Variants in SLCO3A1 observed in about 807,000 individuals in gnomAD.
SLCO3A1 encodes the protein PGE1 transporter.
Under a neutral mutation model 63.1 loss-of-function variants are expected in SLCO3A1, and 27 were observed. The observed-to-expected ratio is 0.43, with a 90% CI of 0.32 to 0.59. SLCO3A1 has a LOEUF of 0.59. Among genes scored for constraint, SLCO3A1 ranks in the 20% least tolerant of loss-of-function variants. The probability of loss-of-function intolerance (pLI) is 0.09; values close to 1 mark genes in which losing one functional copy is unlikely to be tolerated. For missense variants in SLCO3A1, 773 were observed against 945.8 expected (o/e 0.82, Z 2.40); for synonymous variants, 473 against 409.9 (o/e 1.15, Z -1.86).
intron 2 of SLCO3A1, among the ~76,000 whole-genome samples, chr15:92,044,060 C>T (rs919414584): frequency 5.9e-5 from 9 of 152,312 alleles, no homozygotes; most frequent in African/African-American, 2.2e-4. Flanking sequence ...CCTACTCTTG[C>T]CGTAACTGTA....
At chr15:91,981,009 C>T (rs1488675943) in intron 2 of SLCO3A1, among the ~76,000 whole-genome samples, 2 of 152,196 alleles carry the variant, frequency 1.3e-5, no homozygotes, top group Non-Finnish European at 2.9e-5. Flanking sequence ...CAAACACTGG[C>T]TTGGGAGAGC....
chr15:91,937,928 A>G (rs1317665949), intron 2 of SLCO3A1, among the ~76,000 whole-genome samples: 1 of 152,164 alleles, frequency 6.6e-6, no homozygotes, highest in East Asian at 1.9e-4. Flanking sequence ...TGGAGGCGGT[A>G]TCTACCTTAT....
intron 9 of SLCO3A1, among the ~76,000 whole-genome samples, chr15:92,153,953 T>C (rs1286296936): frequency 6.6e-6 from 1 of 152,160 alleles, no homozygotes; most frequent in Non-Finnish European, 1.5e-5. Context: ...TTGACCTTTA[T>C]CTTGGGAGGG....
intron 2 of SLCO3A1, among the ~76,000 whole-genome samples, chr15:92,001,958 C>T (rs572860219): frequency 2.5e-4 from 38 of 150,300 alleles, no homozygotes; most frequent in Admixed American, 2.2e-3. Context: ...TAGAGAGATA[C>T]CTGCTCAATG....
intron 2 of SLCO3A1, among the ~76,000 whole-genome samples, chr15:92,016,974 A>G (rs963974632): frequency 2.6e-5 from 4 of 151,880 alleles, no homozygotes; most frequent in Non-Finnish European, 4.4e-5. Flanking sequence ...AAGGGAGACC[A>G]CTTCCTTCAA....
chr15:91,871,390 C>A (rs1897275276), intron 1 of SLCO3A1, among the ~76,000 whole-genome samples: 1 of 152,164 alleles, frequency 6.6e-6, no homozygotes, highest in South Asian at 2.1e-4. Context: ...ACACTGCACA[C>A]CCTCTGGCAG....
chr15:91,965,085 C>T (rs1247349520), intron 2 of SLCO3A1, among the ~76,000 whole-genome samples: 1 of 151,978 alleles, frequency 6.6e-6, no homozygotes, highest in African/African-American at 2.4e-5. Context: ...GGAGAGGGGG[C>T]TGTGGGGATA....
At chr15:92,110,732 G>GT (rs1315182041) in intron 4 of SLCO3A1, among the ~76,000 whole-genome samples, 1 of 152,212 alleles carries the variant, frequency 6.6e-6, no homozygotes, top group African/African-American at 2.4e-5. Flanking sequence ...GACTGCAGTT[G>GT]TTTTTTCTCA....
chr15:92,016,254 T>TAGATAGATTGATTAGATAGA lies in SLCO3A1; in HGVS notation c.647-78627_647-78626insAGATAGATTGATTAGATAGA. Among the ~76,000 whole-genome samples the TAGATAGATTGATTAGATAGA allele has an allele frequency of 3.6e-3, 340 of 95,710 alleles. 2 individuals are homozygous for TAGATAGATTGATTAGATAGA. Among genetic ancestry groups the TAGATAGATTGATTAGATAGA allele is most frequent in the Non-Finnish European group, 4.2e-3 (195 of 46,502 alleles). 62.8% of individuals were successfully genotyped at this position (95,710 alleles called of 152,430 possible). On this transcript the variant is annotated intron_variant, in intron 2 of 9. Transcript: ENST00000318445. ...ATAGATAGATAGATAGATAGATAGA[T>TAGATAGATTGATTAGATAGA]TAGATAGATAGATAGATAGATAGAT...
At chr15:92,110,990 C>T (rs1174306019) in intron 4 of SLCO3A1, among the ~76,000 whole-genome samples, 1 of 152,178 alleles carries the variant, frequency 6.6e-6, no homozygotes, top group Admixed American at 6.5e-5. Context: ...GAGGATGTGC[C>T]AGCCCTGGTG....
chr15:91,959,751 A>T (rs1900372655), intron 2 of SLCO3A1, among the ~76,000 whole-genome samples: 1 of 150,992 alleles, frequency 6.6e-6, no homozygotes, highest in South Asian at 2.1e-4. Context: ...AAAGAAAAGT[A>T]TAAAAAATAT....
chr15:92,149,777 A>G (rs1163247434), intron 8 of SLCO3A1: 1 of 152,136 alleles, frequency 6.6e-6, no homozygotes, highest in Non-Finnish European at 1.5e-5. Context: ...CTAGTGACAT[A>G]TGATAGCTGA....
chr15:92,162,157 T>A (rs971908022), intron 9 of SLCO3A1: 1 of 141,730 alleles, frequency 7.1e-6, no homozygotes, highest in African/African-American at 2.8e-5. Context: ...TTTTTTTTTT[T>A]TGAGATGGAG....
chr15:91,973,783 C>G (rs906633467), intron 2 of SLCO3A1, among the ~76,000 whole-genome samples: 2 of 152,094 alleles, frequency 1.3e-5, no homozygotes, highest in Non-Finnish European at 2.9e-5. Context: ...TTATCCAACC[C>G]CAAATGTCAA....
chr15:92,066,782 G>A (rs1455129732), intron 2 of SLCO3A1, among the ~76,000 whole-genome samples: 1 of 152,210 alleles, frequency 6.6e-6, no homozygotes, highest in Admixed American at 6.5e-5. Flanking sequence ...TGTCATCAGT[G>A]TCACCATCAC....
chr15:92,117,837 T>A (rs1226079903), intron 4 of SLCO3A1, among the ~76,000 whole-genome samples: 1 of 152,252 alleles, frequency 6.6e-6, no homozygotes, highest in Non-Finnish European at 1.5e-5. Flanking sequence ...CCTCTGTTTA[T>A]GCCCAATGAA....
At chr15:91,980,761 A>G (rs2045974735) in intron 2 of SLCO3A1, among the ~76,000 whole-genome samples, 1 of 152,068 alleles carries the variant, frequency 6.6e-6, no homozygotes, top group African/African-American at 2.4e-5. Context: ...CCCAGGAACA[A>G]CTGGACTTCT....
intron 2 of SLCO3A1, among the ~76,000 whole-genome samples, chr15:92,082,015 G>T (rs1567109440): frequency 6.6e-6 from 1 of 152,158 alleles, no homozygotes; most frequent in Non-Finnish European, 1.5e-5. Flanking sequence ...ATTAGTGTTT[G>T]GTTTTGTTTG....
chr15:92,151,381 A>G (rs2048303541), intron 9 of SLCO3A1, among the ~76,000 whole-genome samples: 1 of 152,158 alleles, frequency 6.6e-6, no homozygotes, highest in African/African-American at 2.4e-5. Context: ...CAGCTGGGAG[A>G]GAGAGGCGTT....
Sources: allele counts gnomAD v4.1 joint callset (sites outside exome capture counted in the v4.1 genomes callset), GRCh38; gene constraint gnomAD v4.1.1; transcripts MANE v1.5; gene names NCBI Gene and HGNC (gene_info 2026-07-23, HGNC 2026-07-21).